TNNT3: variants seen among roughly 807,000 people sequenced by gnomAD.
The protein encoded by TNNT3 is troponin T, fast skeletal muscle.
In TNNT3, 36 loss-of-function variants were observed where a neutral mutation model predicts 54.2. The observed-to-expected ratio is 0.66, with a 90% CI of 0.51 to 0.88. TNNT3 has a LOEUF of 0.88. TNNT3 is among the 40% of genes least tolerant of loss of function. The pLI is 0.00. For missense variants in TNNT3, 291 were observed against 331.6 expected (o/e 0.88, Z 0.95); for synonymous variants, 120 against 109.7 (o/e 1.09, Z -0.59).
intron 6 of TNNT3, 66 bp from the exon 7 acceptor site, chr11:1,929,054 C>T (rs1294204210): frequency 6.3e-7 from 1 of 1,595,618 alleles, no homozygotes. Context: ...CCCTTGCCCA[C>T]TGCTCCCCCG....
chr11:1,938,312 G>A, intron 15 of TNNT3, 126 bp from the exon 16 acceptor site: 1 of 1,057,620 alleles, frequency 9.5e-7, no homozygotes, highest in Non-Finnish European at 1.5e-6. Flanking sequence ...TGGGCCGCAA[G>A]CTTGGGCCGG....
At chr11:1,922,028 C>G (rs559443033) in intron 1 of TNNT3, among the ~76,000 whole-genome samples, 3 of 152,178 alleles carry the variant, frequency 2.0e-5, no homozygotes, top group African/African-American at 7.2e-5. Context: ...CCAGGGAAAG[C>G]GGCCACAGGG....
chr11:1,922,950 C>T (rs1031965147), intron 2 of TNNT3, 59 bp downstream of exon 2: 5 of 1,613,604 alleles, frequency 3.1e-6, no homozygotes, highest in Non-Finnish European at 4.2e-6. Flanking sequence ...CCCTTGGCTT[C>T]TGTGGGGCTG....
In TNNT3 at chr11:1,938,569, C is replaced by T; in HGVS notation, c.*77C>T. 1 of 1,446,378 alleles carries T rather than the reference C, an allele frequency of 6.9e-7. No individual in the cohort carries two copies. Among genetic ancestry groups the T allele is most frequent in the African/African-American group, 1.4e-5 (1 of 71,770 alleles). The allele number at this position is 1,446,378 out of a possible 1,614,324, so 89.6% of individuals were successfully genotyped here. A position where few individuals can be genotyped will look rare whatever the true frequency, so the allele number is the denominator to read the frequency against. On this transcript the variant is annotated 3_prime_UTR_variant, in exon 16 of 16. Coordinates refer to ENST00000278317, the MANE Select transcript of TNNT3 (RefSeq NM_006757.4). ...AGGGCCGCTCGTGGGACTCCACATC[C>T]TCCAGCCCCCACAATCCTGTCAGGG...
At chr11:1,931,007 GA>G (rs1159634845) in intron 8 of TNNT3, among the ~76,000 whole-genome samples, 5 of 151,778 alleles carry the variant, frequency 3.3e-5, no homozygotes, top group African/African-American at 9.7e-5. Context: ...ATAGCGCTTG[GA>G]AAAAAAAGAT....
intron 8 of TNNT3, among the ~76,000 whole-genome samples, chr11:1,930,653 G>A (rs1426534437): frequency 1.3e-5 from 2 of 152,178 alleles, no homozygotes; most frequent in Non-Finnish European, 2.9e-5. Context: ...GAATCTTAGA[G>A]CATCTTGACA....
At chr11:1,931,637 C>CCT (rs1307693162) in intron 8 of TNNT3, among the ~76,000 whole-genome samples, 1 of 151,464 alleles carries the variant, frequency 6.6e-6, no homozygotes, top group East Asian at 1.9e-4. Context: ...TTTTCTTAGT[C>CCT]ATCAGTTTGC....
rs1428177094 is a variant in TNNT3, at chr11:1,929,102, C to T, written c.83-18C>T. The T allele has an allele frequency of 6.2e-7, 1 of 1,613,312 alleles. No homozygotes were observed. The highest frequency in any genetic ancestry group is 8.5e-7 in the Non-Finnish European group (1 of 1,179,942). ...CTTTTCTCTTGCATGTGTGCTTGTG[C>T]CTTTTGCCACCTGGAAGACACCGCA... is the stretch of plus-strand genomic sequence containing the variant. On this transcript the variant is annotated intron_variant, in intron 6 of 15. Transcript: ENST00000278317.
chr11:1,934,453 C>G lies in TNNT3; in HGVS notation c.480+8C>G. On this transcript the variant is annotated splice_region_variant and intron_variant, in intron 12 of 15. Transcript: ENST00000278317. ...AGCAGCTACCTGGCCAAGGTGTGTG[C>G]CGCTGCTGGGAGCACGGTGGTAGCC... is the stretch of plus-strand genomic sequence containing the variant. 1 of 1,612,682 alleles carries G rather than the reference C, an allele frequency of 6.2e-7. No individual in the cohort carries two copies. Among genetic ancestry groups the G allele is most frequent in the Non-Finnish European group, 8.5e-7 (1 of 1,179,414 alleles).
intron 1 of TNNT3, among the ~76,000 whole-genome samples, chr11:1,920,315 G>A (rs1050211349): frequency 1.3e-4 from 20 of 152,310 alleles, no homozygotes; most frequent in Admixed American, 7.2e-4. Context: ...GGGTGGGGGC[G>A]TCTAAAGCCC....
In TNNT3 at chr11:1,920,235, C is replaced by T. The variant is rs113420515; in HGVS notation, c.-19+473C>T. Among the ~76,000 whole-genome samples, 1,163 of 152,244 alleles carry T rather than the reference C, an allele frequency of 7.6e-3. 12 individuals carry two copies. Among genetic ancestry groups the T allele is most frequent in the African/African-American group, 0.027 (1,125 of 41,518 alleles). ...GCTCTCGCACCTGGGCCTCCAACAC[C>T]GCCATTTTGTAGAGATGAAAACGAG... is the stretch of plus-strand genomic sequence containing the variant. On this transcript the variant is annotated intron_variant, in intron 1 of 15. Coordinates refer to ENST00000278317, the MANE Select transcript of TNNT3 (RefSeq NM_006757.4).
At chr11:1,919,687 G>T (rs1849653395), upstream of TNNT3, 1 of 152,264 alleles carries the variant, frequency 6.6e-6, no homozygotes, top group South Asian at 2.1e-4. Context: ...TAACACGAGG[G>T]TGTGAGCCGG....
intron 6 of TNNT3, chr11:1,927,803 G>C (rs1229210974): frequency 2.6e-5 from 4 of 152,498 alleles, no homozygotes; most frequent in African/African-American, 9.6e-5. Flanking sequence ...CCTCAGCCAC[G>C]CACTGCGTCC....
intron 8 of TNNT3, among the ~76,000 whole-genome samples, chr11:1,931,558 T>C (rs1238766178): frequency 1.3e-5 from 2 of 152,234 alleles, no homozygotes; most frequent in Non-Finnish European, 2.9e-5. Context: ...TTGGGATGGG[T>C]CGTCTCTTCT....
Position 1,922,837 on chromosome 11 carries a change from C to G in TNNT3, c.-18-20C>G, listed in dbSNP as rs1177050484. On this transcript the variant is annotated intron_variant, in intron 1 of 15. Transcript: ENST00000278317. ...CTTTCCATCCTCTCTCTCTCTCTCT[C>G]TCTGAATCTCTCTCTGCAGAAACCA... 69 of 1,608,804 alleles carry G rather than the reference C, an allele frequency of 4.3e-5. No homozygotes were observed. Among genetic ancestry groups the G allele is most frequent in the Non-Finnish European group, 5.6e-5 (66 of 1,177,238 alleles).
At chr11:1,933,466 T>C (rs1267177525) in intron 9 of TNNT3, among the ~76,000 whole-genome samples, 1 of 152,242 alleles carries the variant, frequency 6.6e-6, no homozygotes, top group Admixed American at 6.5e-5. Context: ...CTAAGGATGC[T>C]GAGGACCTTA....
intron 15 of TNNT3, 133 bp from the exon 16 acceptor site, chr11:1,938,305 G>A (rs924165777): frequency 7.3e-6 from 7 of 964,396 alleles, no homozygotes; most frequent in Admixed American, 5.3e-5. Context: ...CTGGGTGTGG[G>A]CCGCAAGCTT....
chr11:1,926,310 G>A (rs113099937), intron 5 of TNNT3, among the ~76,000 whole-genome samples: 6 of 152,240 alleles, frequency 3.9e-5, no homozygotes, highest in African/African-American at 7.2e-5. Context: ...GGCGGTGGCC[G>A]CGCCTGGGCT....
intron 8 of TNNT3, 34 bp downstream of exon 8, chr11:1,929,862 G>C: frequency 6.6e-7 from 1 of 1,509,128 alleles, no homozygotes; most frequent in Non-Finnish European, 8.9e-7. Flanking sequence ...CCGCTGCTGA[G>C]TGTGTTCTGG....
Sources: gnomAD v4.1 joint callset for allele counts (sites outside exome capture counted in the v4.1 genomes callset) on GRCh38, gnomAD v4.1.1 for gene constraint, MANE v1.5 for transcripts, NCBI Gene and HGNC (gene_info 2026-07-23, HGNC 2026-07-21) for gene names.